The following BSN variants were observed in gnomAD, a reference collection of about 807,000 sequenced individuals.
BSN encodes protein bassoon.
In BSN, 57 loss-of-function variants were observed where a neutral mutation model predicts 264.8. The observed-to-expected ratio is 0.22, with a 90% confidence interval of 0.17 to 0.27. The LOEUF is 0.27. BSN is among the 10% of genes least tolerant of loss of function. The pLI, the probability that BSN is intolerant of heterozygous loss-of-function variation, is 1.00. For synonymous variants in BSN, 2,059 were observed against 2,137.3 expected (o/e 0.96, Z 1.01); for missense variants, 4,615 against 5,232.5 (o/e 0.88, Z 3.64).
intron 1 of BSN, among the ~76,000 whole-genome samples, chr3:49,578,452 G>A (rs1224599499): frequency 6.6e-6 from 1 of 151,030 alleles, no homozygotes; most frequent in Non-Finnish European, 1.5e-5. Flanking sequence ...CTGTCGCTCA[G>A]CCTGGAGTGC....
At chr3:49,627,377 C>T (rs527672130) in intron 2 of BSN, among the ~76,000 whole-genome samples, 26 of 152,274 alleles carry the variant, frequency 1.7e-4, no homozygotes, top group East Asian at 1.3e-3. Context: ...GTAGAACCTT[C>T]GCTTCTCTAG....
At chr3:49,639,036 C>T (rs1467998556) in intron 2 of BSN, among the ~76,000 whole-genome samples, 2 of 152,082 alleles carry the variant, frequency 1.3e-5, no homozygotes, top group Non-Finnish European at 2.9e-5. Context: ...GTAGAAATGG[C>T]CTGCTCTGGG....
intron 1 of BSN, among the ~76,000 whole-genome samples, chr3:49,581,621 C>T (rs1489793183): frequency 6.6e-6 from 1 of 151,680 alleles, no homozygotes; most frequent in East Asian, 1.9e-4. Context: ...GTCAGGAGAT[C>T]GAGACCATCC....
intron 3 of BSN, among the ~76,000 whole-genome samples, chr3:49,647,436 A>G (rs770506821): frequency 3.3e-5 from 5 of 152,192 alleles, no homozygotes; most frequent in African/African-American, 7.2e-5. Context: ...GACAGAGGGA[A>G]TGAGGCAGAA....
intron 1 of BSN, among the ~76,000 whole-genome samples, chr3:49,613,303 C>CGAGGGAGAGAGAGAGA: frequency 2.1e-5 from 1 of 47,332 alleles, no homozygotes; most frequent in Non-Finnish European, 4.0e-5. Context: ...ACACACAGAG[C>CGAGGGAGAGAGAGAGA]GAGAGAGAGA....
Position 49,662,529 on chromosome 3 carries a change from G to C in BSN, c.10684G>C (p.Asp3562His), listed in dbSNP as rs757347463. Residue 3562 changes from aspartate to histidine, a missense_variant, in exon 6 of 12, where the codon GAT becomes CAT. Physicochemically the swap from Asp to His is moderately conservative, Grantham distance 81. Transcript: ENST00000296452. ...AYKREEGYIL[D>H]DSHCVVSDSE... ...TAAGCGTGAGGAGGGCTACATCCTG[G>C]ATGATTCCCATTGCGTGGTTTCCGA... 1 of 1,601,370 alleles carries C rather than the reference G, an allele frequency of 6.2e-7. No individual in the cohort carries two copies. Among genetic ancestry groups the C allele is most frequent in the South Asian group, 1.1e-5 (1 of 89,312 alleles).
In BSN at chr3:49,554,728, T is replaced by C. The variant is rs2051650700; in HGVS notation, c.126T>C (p.Gly42=). Residue 42 remains glycine (G), a synonymous_variant, in exon 1 of 12, where the codon GGT becomes GGC. Transcript: ENST00000296452. ...GAAAGCCGCCTTCAGCACCGGCCGG[T>C]GGCGGACAGCTCCCCGCGGCGGGAG... ...GAGKPPSAPA[G]GGQLPAAGAA... 2 of 1,220,616 alleles carry C rather than the reference T, an allele frequency of 1.6e-6. No homozygotes were observed. The highest frequency in any genetic ancestry group is 3.2e-5 in the African/African-American group (2 of 62,952). The allele number at this position is 1,220,616 out of a possible 1,614,324, so 75.6% of individuals were successfully genotyped here. A position where few individuals can be genotyped will look rare whatever the true frequency, so the allele number is the denominator to read the frequency against.
At chr3:49,619,293 C>A (rs1464667143) in intron 1 of BSN, among the ~76,000 whole-genome samples, 2 of 152,204 alleles carry the variant, frequency 1.3e-5, no homozygotes, top group Non-Finnish European at 2.9e-5. Flanking sequence ...CCAAGCGTGG[C>A]GCTGGGTCCT....
At chr3:49,557,397 TG>T (rs1484427385) in intron 1 of BSN, among the ~76,000 whole-genome samples, 1 of 152,090 alleles carries the variant, frequency 6.6e-6, no homozygotes, top group Non-Finnish European at 1.5e-5. Context: ...TAATGTACAG[TG>T]GAACACACAT....
chr3:49,610,085 C>T (rs1216962974), intron 1 of BSN, among the ~76,000 whole-genome samples: 1 of 152,196 alleles, frequency 6.6e-6, no homozygotes, highest in Non-Finnish European at 1.5e-5. Flanking sequence ...TCTGGAACCA[C>T]CCCTCTTCCC....
chr3:49,605,643 GTAATATATATTATATA>G (rs1261022971), intron 1 of BSN, among the ~76,000 whole-genome samples: 1 of 23,186 alleles, frequency 4.3e-5, no homozygotes, highest in Non-Finnish European at 6.9e-5. Flanking sequence ...TTACATATAT[GTAATATATATTATATA>G]TAATATATAT....
At chr3:49,639,877 T>C (rs2052447312) in intron 2 of BSN, among the ~76,000 whole-genome samples, 1 of 152,250 alleles carries the variant, frequency 6.6e-6, no homozygotes, top group Admixed American at 6.5e-5. Flanking sequence ...ATGCCCTATG[T>C]GGTGCTTGGC....
At chr3:49,663,991 A>T (rs2052689835) in intron 8 of BSN, 105 bp downstream of exon 8, 1 of 1,106,328 alleles carries the variant, frequency 9.0e-7, no homozygotes, top group Non-Finnish European at 1.3e-6. Context: ...TGCCCTCACT[A>T]ATCCCTGAGA....
rs191792109 is a variant in BSN at position 49,574,924 on chromosome 3, C to G, written c.224+20098C>G. The stretch of plus-strand genomic sequence containing the variant: ...AAATGCTGGGATTACAGGCATGAGC[C>G]ACCGCACCCAGCTGGTGTCCCTTTT... On this transcript the variant is annotated intron_variant, in intron 1 of 11. Coordinates refer to ENST00000296452, the MANE Select transcript of BSN (RefSeq NM_003458.4). Among the ~76,000 whole-genome samples, 58 of 152,226 alleles carry G rather than the reference C, an allele frequency of 3.8e-4. 1 individual carries two copies. The East Asian group carries it at 6.0e-3, about 16-fold the overall frequency.
intron 1 of BSN, among the ~76,000 whole-genome samples, chr3:49,584,075 C>T (rs1003039382): frequency 1.1e-4 from 16 of 151,972 alleles, no homozygotes; most frequent in African/African-American, 3.6e-4. Context: ...TTAGTAGAGA[C>T]GGGGTTTCAC....
chr3:49,661,194 C>T lies in BSN; in HGVS notation c.9349C>T (p.His3117Tyr), dbSNP rs1412871919. ...PNQQAFRPTG[H>Y]YAGQTPMPTT... ...CCAGCAGGCTTTCCGCCCCACAGGC[C>T]ACTATGCAGGCCAAACACCCATGCC... The change falls in exon 6 of 12, where the codon CAC (histidine) becomes TAC (tyrosine). Residue 3117 changes from histidine (H) to tyrosine (Y), a missense_variant. This residue lies in a region of BSN where 3,415 missense variants were observed against 3,866.4 expected (regional missense o/e 0.88). Coordinates refer to ENST00000296452, the MANE Select transcript of BSN (RefSeq NM_003458.4). 6.2e-7 allele frequency: 1 copy of T among 1,613,680 alleles called. No homozygotes were observed. Among genetic ancestry groups the T allele is most frequent in the South Asian group, 1.1e-5 (1 of 91,086 alleles).
rs35070088 is a variant in BSN, at chr3:49,578,410, G to GTTT, written c.224+23595_224+23597dup. Among the ~76,000 whole-genome samples, 762 of 149,374 alleles carry GTTT rather than the reference G, an allele frequency of 5.1e-3. 5 individuals are homozygous for GTTT. Among genetic ancestry groups the GTTT allele is most frequent in the Middle Eastern group, 0.028 (8 of 288 alleles). On this transcript the variant is annotated intron_variant, in intron 1 of 11. Transcript: ENST00000296452. The stretch of plus-strand genomic sequence containing the variant: ...TTAGAGTTCTACAACCAAAGCTACA[G>GTTT]TTTTTTTTTTTTTATAAGACGGAGT...
At chr3:49,594,766 G>GA (rs1163978338) in intron 1 of BSN, among the ~76,000 whole-genome samples, 3 of 152,178 alleles carry the variant, frequency 2.0e-5, no homozygotes, top group Non-Finnish European at 4.4e-5. Context: ...AATTTGGGAA[G>GA]AATGAACATC....
intron 1 of BSN, among the ~76,000 whole-genome samples, chr3:49,597,676 T>C (rs1033239590): frequency 6.6e-6 from 1 of 152,188 alleles, no homozygotes; most frequent in African/African-American, 2.4e-5. Flanking sequence ...GGAGTCTCAC[T>C]GTGTCGTCCA....
Sources: gnomAD v4.1 joint callset for allele counts (sites outside exome capture counted in the v4.1 genomes callset) on GRCh38, gnomAD v4.1.1 for gene constraint, gnomAD v4.1.1 regional missense constraint, MANE v1.5 for transcripts, NCBI Gene and HGNC (gene_info 2026-07-23, HGNC 2026-07-21) for gene names.